TMPRSS15: variants seen among roughly 807,000 people sequenced by gnomAD.
TMPRSS15 encodes enteropeptidase.
TMPRSS15 carries 128 observed loss-of-function variants against 125.3 expected under a neutral mutation model. The observed-to-expected ratio is 1.02, with a 90% CI of 0.89 to 1.18. The LOEUF is 1.18. Among genes scored for constraint, TMPRSS15 ranks in the 50% most tolerant of loss-of-function variants. The pLI, the probability that TMPRSS15 is intolerant of heterozygous loss-of-function variation, is 0.00. For missense variants in TMPRSS15, 1,283 were observed against 1,212.7 expected (o/e 1.06, Z -0.86); for synonymous variants, 446 against 423.2 (o/e 1.05, Z -0.66).
chr21:18,384,602 T>C (rs903925228), intron 3 of TMPRSS15, among the ~76,000 whole-genome samples: 3 of 152,138 alleles, frequency 2.0e-5, no homozygotes, highest in Admixed American at 6.6e-5. Flanking sequence ...GCCCTCCTGC[T>C]TACATTTCTA....
At chr21:18,344,184 T>C in intron 10 of TMPRSS15, 124 bp from the exon 11 acceptor site, 1 of 825,604 alleles carries the variant, frequency 1.2e-6, no homozygotes, top group South Asian at 1.5e-5. Flanking sequence ...TATTTTAATA[T>C]AGTGGACAGG....
chr21:18,454,339 G>A (rs1259973314), intron 1 of TMPRSS15, among the ~76,000 whole-genome samples: 1 of 152,064 alleles, frequency 6.6e-6, no homozygotes, highest in Non-Finnish European at 1.5e-5. Context: ...ATAGAAAGAA[G>A]TATTTTCTTT....
chr21:18,478,550 T>C (rs1978922305), intron 1 of TMPRSS15, among the ~76,000 whole-genome samples: 1 of 152,038 alleles, frequency 6.6e-6, no homozygotes, highest in Non-Finnish European at 1.5e-5. Flanking sequence ...AGACATTAAT[T>C]GGATTTCACC....
intron 16 of TMPRSS15, among the ~76,000 whole-genome samples, chr21:18,320,130 C>A (rs1030981875): frequency 2.6e-5 from 4 of 152,044 alleles, no homozygotes; most frequent in Non-Finnish European, 5.9e-5. Context: ...CTAAAGACAG[C>A]ATTAATACTT....
chr21:18,415,513 T>G (rs1442204720), intron 1 of TMPRSS15, among the ~76,000 whole-genome samples: 1 of 152,140 alleles, frequency 6.6e-6, no homozygotes, highest in African/African-American at 2.4e-5. Flanking sequence ...TAGTCCATTT[T>G]TGTTTGATTT....
intron 1 of TMPRSS15, among the ~76,000 whole-genome samples, chr21:18,437,915 TG>T (rs2076231539): frequency 6.6e-6 from 1 of 151,998 alleles, no homozygotes; most frequent in African/African-American, 2.4e-5. Flanking sequence ...GAAGTCAGTG[TG>T]GCGATTCCTC....
chr21:18,424,886 G>A (rs1487554239), intron 1 of TMPRSS15, among the ~76,000 whole-genome samples: 2 of 148,182 alleles, frequency 1.3e-5, no homozygotes, highest in African/African-American at 4.9e-5. Context: ...GAGAATATAT[G>A]TATTCATATA....
At chr21:18,387,654 C>T (rs927705558) in intron 3 of TMPRSS15, among the ~76,000 whole-genome samples, 1 of 137,914 alleles carries the variant, frequency 7.3e-6, no homozygotes, top group East Asian at 2.3e-4. Context: ...CACACACGCA[C>T]ACACACCCCA....
chr21:18,382,514 A>G (rs964094349), intron 4 of TMPRSS15, among the ~76,000 whole-genome samples: 2 of 152,204 alleles, frequency 1.3e-5, no homozygotes, highest in African/African-American at 4.8e-5. Context: ...ACAATCTCAT[A>G]TCTACTATTA....
rs755045381 is a variant in TMPRSS15 at position 18,343,542 on chromosome 21, A to C, written c.1392T>G (p.Tyr464Ter). 2 of 1,613,010 alleles carry C rather than the reference A, an allele frequency of 1.2e-6. No homozygotes were observed. Among genetic ancestry groups the C allele is most frequent in the Admixed American group, 3.3e-5 (2 of 59,994 alleles). The change falls in exon 12 of 25, where the codon TAT (tyrosine) becomes TAG (stop). Residue 464 changes from tyrosine to a stop codon, truncating the protein, a stop_gained. Coordinates refer to ENST00000284885, the MANE Select transcript of TMPRSS15 (RefSeq NM_002772.3). LOFTEE classifies it high-confidence loss of function. ...KEGNYGDNWN[Y>*]GQVTLNETVK... The stretch of plus-strand genomic sequence containing the variant: ...CTGTTTCATTTAGGGTTACTTGTCC[A>C]TAATTCCAATTGTCTCCATAATTTC...
chr21:18,480,742 C>T (rs1045034921), intron 1 of TMPRSS15, among the ~76,000 whole-genome samples: 3 of 151,700 alleles, frequency 2.0e-5, no homozygotes, highest in African/African-American at 7.3e-5. Context: ...CTATGTGACT[C>T]AAAGGGAATT....
chr21:18,326,650 C>T (rs2146961787), intron 15 of TMPRSS15, 78 bp from the exon 16 acceptor site: 5 of 1,562,204 alleles, frequency 3.2e-6, no homozygotes, highest in Non-Finnish European at 4.4e-6. Context: ...ATCTCAGTTC[C>T]CTCTGCCAGA....
chr21:18,317,062 C>T (rs62213422), intron 16 of TMPRSS15, among the ~76,000 whole-genome samples: 25,794 of 152,092 alleles, frequency 0.17, 2,123 homozygotes, highest in Middle Eastern at 0.2. Context: ...CTATTAGTGA[C>T]TATTAGTCAA....
Position 18,270,086 on chromosome 21 carries a change from G to C in TMPRSS15, c.2943C>G (p.Asn981Lys). 6.2e-7 allele frequency: 1 copy of C among 1,613,982 alleles called. No individual in the cohort carries two copies. Residue 981 changes from asparagine (N) to lysine (K), a missense_variant, in exon 25 of 25, where the codon AAC becomes AAG. Physicochemically the swap from Asn to Lys is moderately conservative, Grantham distance 94. Coordinates refer to ENST00000284885, the MANE Select transcript of TMPRSS15 (RefSeq NM_002772.3). ...AGGTCACACCAGCAAGGAACCACCTGTTGTTTTCTTGGCACATTAATGGTC... is the reference window on the plus strand; with the variant it reads ...AGGTCACACCAGCAAGGAACCACCTCTTGTTTTCTTGGCACATTAATGGTC... ...SGGPLMCQEN[N>K]RWFLAGVTSF...
At chr21:18,433,102 A>G (rs2076219783) in intron 1 of TMPRSS15, among the ~76,000 whole-genome samples, 1 of 152,144 alleles carries the variant, frequency 6.6e-6, no homozygotes, top group Non-Finnish European at 1.5e-5. Flanking sequence ...TGTTAATACT[A>G]ACTAGCAGCC....
chr21:18,339,921 A>G (rs1246821286), intron 13 of TMPRSS15, among the ~76,000 whole-genome samples: 5 of 152,238 alleles, frequency 3.3e-5, no homozygotes, highest in African/African-American at 4.8e-5. Context: ...AAGTAGACAC[A>G]GGCTCGATTT....
chr21:18,281,022 G>A lies in TMPRSS15; in HGVS notation c.2668+18C>T, dbSNP rs935676009. ...ATTTTGGCAGATAAGATGACTAAGA[G>A]TGATTTTTTTTTTTTACCTGTGTAA... On this transcript the variant is annotated intron_variant, in intron 22 of 24. Coordinates refer to ENST00000284885, the MANE Select transcript of TMPRSS15 (RefSeq NM_002772.3). 29 of 1,589,398 alleles carry A rather than the reference G, an allele frequency of 1.8e-5. No individual in the cohort carries two copies. Among genetic ancestry groups the A allele is most frequent in the Non-Finnish European group, 2.5e-5 (29 of 1,169,560 alleles).
Position 18,481,169 on chromosome 21 carries a change from A to G in TMPRSS15, c.10+4630T>C, listed in dbSNP as rs1284776528. On this transcript the variant is annotated intron_variant, in intron 1 of 7. Transcript: ENST00000422787. ...TAACTTTTCTGGAACTTCGTTTCCCAATTTATAAAGTACTATTCCTAAGAG... is the reference window on the plus strand; with the variant it reads ...TAACTTTTCTGGAACTTCGTTTCCCGATTTATAAAGTACTATTCCTAAGAG... 7.8e-4 allele frequency among the ~76,000 whole-genome samples: 118 copies of G among 151,770 alleles called. 4 individuals are homozygous for G. The highest frequency in any genetic ancestry group is 7.7e-3 in the Admixed American group (117 of 15,164).
At chr21:18,389,118 A>G (rs1484714133) in intron 3 of TMPRSS15, among the ~76,000 whole-genome samples, 1 of 151,418 alleles carries the variant, frequency 6.6e-6, no homozygotes, top group Non-Finnish European at 1.5e-5. Context: ...AGAGAAAGAG[A>G]AAGAAAGAAA....
Sources: gnomAD v4.1 joint callset for allele counts (sites outside exome capture counted in the v4.1 genomes callset) on GRCh38, gnomAD v4.1.1 for gene constraint, MANE v1.5 for transcripts, NCBI Gene and HGNC (gene_info 2026-07-23, HGNC 2026-07-21) for gene names.